The following ANKS1B variants were observed in gnomAD, a reference collection of about 807,000 sequenced individuals.
ANKS1B encodes ankyrin repeat and sterile alpha motif domain containing 1B, also known as ankyrin repeat and sterile alpha motif domain-containing protein 1B.
Under a neutral mutation model 148.3 loss-of-function variants are expected in ANKS1B, and 36 were observed. That is an observed-to-expected ratio of 0.24 (90% CI 0.19 to 0.32). ANKS1B has a LOEUF of 0.32. Ranked by LOEUF, ANKS1B falls within the 10% of genes least tolerant of loss-of-function variation. The pLI is 1.00. For synonymous variants in ANKS1B, 542 were observed against 560.8 expected (o/e 0.97, Z 0.47); for missense variants, 1,157 against 1,542.6 (o/e 0.75, Z 4.19).
chr12:99,246,464 T>G lies in ANKS1B; in HGVS notation c.2157A>C (p.Ile719=), dbSNP rs2073893491. The change falls in exon 13 of 27, where the codon ATA becomes ATC. Residue 719 remains isoleucine, a synonymous_variant. Coordinates refer to ENST00000683438, the MANE Select transcript of ANKS1B (RefSeq NM_001352186.2). ...FVERACTLGR[I]RSLPKALIDM... ...CGATCAAGGCTTTAGGCAATGACCT[T>G]ATTCTCCCCAGAGTACAGGCTCTCT... is the stretch of plus-strand genomic sequence containing the variant. 1.2e-6 allele frequency: 2 copies of G among 1,613,736 alleles called. No individual in the cohort carries two copies. Among genetic ancestry groups the G allele is most frequent in the East Asian group, 2.2e-5 (1 of 44,872 alleles).
At chr12:99,824,336 C>T (rs2082886242) in intron 2 of ANKS1B, among the ~76,000 whole-genome samples, 1 of 151,782 alleles carries the variant, frequency 6.6e-6, no homozygotes, top group Non-Finnish European at 1.5e-5. Flanking sequence ...CCCGTCTCTA[C>T]TAAAAATACA....
intron 9 of ANKS1B, among the ~76,000 whole-genome samples, chr12:99,523,647 G>A (rs2096898034): frequency 6.7e-6 from 1 of 149,526 alleles, no homozygotes; most frequent in Non-Finnish European, 1.5e-5. Flanking sequence ...TCCGCCTCCT[G>A]GGTTTACACA....
chr12:99,321,809 C>G (rs1360846797), intron 12 of ANKS1B, among the ~76,000 whole-genome samples: 1 of 152,148 alleles, frequency 6.6e-6, no homozygotes, highest in Non-Finnish European at 1.5e-5. Context: ...TCCTATTCGG[C>G]CATCTTGGGA....
chr12:98,751,501 G>A lies in ANKS1B; in HGVS notation c.3601C>T (p.Leu1201=). Residue 1201 remains leucine (L), a synonymous_variant, in exon 26 of 27, where the codon CTA becomes TTA. Transcript: ENST00000683438. The surrounding 1 kb of genome is among the most constrained non-coding windows in gnomAD (Gnocchi z 4.3). ...ACTTCGAATGCCTGTCCCAGGGTTA[G>A]GATGATTTCATAGGCTAAATTCTGC... ...FDVNLAYEII[L]TLGQAFEVAY... 1 of 1,613,818 alleles carries A rather than the reference G, an allele frequency of 6.2e-7. No individual in the cohort carries two copies. Among genetic ancestry groups the A allele is most frequent in the Non-Finnish European group, 8.5e-7 (1 of 1,179,856 alleles).
intron 17 of ANKS1B, among the ~76,000 whole-genome samples, chr12:98,988,762 G>A (rs1395184580): frequency 6.6e-6 from 1 of 151,954 alleles, no homozygotes. Context: ...ACTAACACTT[G>A]CTATCTTTTG....
chr12:99,561,816 T>A (rs1396473282), intron 9 of ANKS1B, among the ~76,000 whole-genome samples: 1 of 152,236 alleles, frequency 6.6e-6, no homozygotes, highest in Non-Finnish European at 1.5e-5. Context: ...CTCCTGTTAA[T>A]GTTAATGTTG....
At chr12:99,391,245 G>A (rs985960077) in intron 12 of ANKS1B, among the ~76,000 whole-genome samples, 1 of 152,162 alleles carries the variant, frequency 6.6e-6, no homozygotes, top group African/African-American at 2.4e-5. Context: ...ATGCAAATCA[G>A]ATCATCTCTC....
chr12:99,726,815 G>A (rs908880045), intron 8 of ANKS1B, among the ~76,000 whole-genome samples: 3 of 152,090 alleles, frequency 2.0e-5, no homozygotes, highest in Admixed American at 2.0e-4. Flanking sequence ...TTCATCCCTG[G>A]GATGCAAGGC....
At chr12:99,366,222 T>C (rs2092758967) in intron 12 of ANKS1B, among the ~76,000 whole-genome samples, 1 of 152,254 alleles carries the variant, frequency 6.6e-6, no homozygotes, top group African/African-American at 2.4e-5. Flanking sequence ...TCCCTTTCTT[T>C]CTGCCTTGGG....
intron 17 of ANKS1B, among the ~76,000 whole-genome samples, chr12:98,879,550 C>A (rs1380767034): frequency 1.3e-5 from 2 of 152,054 alleles, no homozygotes; most frequent in Non-Finnish European, 2.9e-5. Flanking sequence ...TTTTGTTTTG[C>A]AGTTCCTCAT....
intron 19 of ANKS1B, among the ~76,000 whole-genome samples, chr12:98,809,909 G>A (rs1173082589): frequency 6.6e-6 from 1 of 152,092 alleles, no homozygotes; most frequent in Admixed American, 6.5e-5. Flanking sequence ...TCATAAGAGT[G>A]ACAGAACAGT....
chr12:99,971,516 A>G (rs1603545937), intron 1 of ANKS1B, among the ~76,000 whole-genome samples: 1 of 152,266 alleles, frequency 6.6e-6, no homozygotes, highest in African/African-American at 2.4e-5. Context: ...TATATTTAGT[A>G]TATTTGTGTA....
intron 9 of ANKS1B, among the ~76,000 whole-genome samples, chr12:99,564,867 C>G (rs975527870): frequency 6.6e-6 from 1 of 152,118 alleles, no homozygotes; most frequent in Non-Finnish European, 1.5e-5. Flanking sequence ...TATTCTCTCT[C>G]AGACCTGAAT....
At chr12:99,604,631 A>G (rs967723939) in intron 9 of ANKS1B, among the ~76,000 whole-genome samples, 1 of 151,880 alleles carries the variant, frequency 6.6e-6, no homozygotes, top group Admixed American at 6.6e-5. Context: ...CCTGACCAAC[A>G]TGGTGAAACC....
chr12:99,105,021 G>A (rs527939502), intron 15 of ANKS1B: 2 of 152,348 alleles, frequency 1.3e-5, no homozygotes, highest in South Asian at 4.1e-4. Flanking sequence ...ACATGGTTTT[G>A]TGGGGTTTTA....
At chr12:99,020,065 A>G (rs1297131335) in intron 17 of ANKS1B, among the ~76,000 whole-genome samples, 1 of 138,316 alleles carries the variant, frequency 7.2e-6, no homozygotes, top group African/African-American at 2.9e-5. Context: ...ACATTTCTCC[A>G]TCTTTCTTTT....
intron 12 of ANKS1B, among the ~76,000 whole-genome samples, chr12:99,374,591 A>T (rs915404824): frequency 1.3e-5 from 2 of 152,198 alleles, no homozygotes; most frequent in Non-Finnish European, 2.9e-5. Flanking sequence ...CATTTATTTC[A>T]ATGTTTAATA....
chr12:98,835,526 A>G (rs943140975), intron 17 of ANKS1B, among the ~76,000 whole-genome samples: 9 of 152,336 alleles, frequency 5.9e-5, no homozygotes, highest in East Asian at 1.9e-4. Flanking sequence ...AAAGCCCTCA[A>G]TGAAGTAACT....
At chr12:99,913,022 G>A (rs1012446573) in intron 1 of ANKS1B, among the ~76,000 whole-genome samples, 5 of 152,076 alleles carry the variant, frequency 3.3e-5, no homozygotes, top group Non-Finnish European at 7.4e-5. Flanking sequence ...TTTATGAATT[G>A]TTCCACAAAT....
Sources: allele counts gnomAD v4.1 joint callset (sites outside exome capture counted in the v4.1 genomes callset), GRCh38; gene constraint gnomAD v4.1.1; non-coding constraint Gnocchi (gnomAD v3.1); transcripts MANE v1.5; gene names NCBI Gene and HGNC (gene_info 2026-07-23, HGNC 2026-07-21).